The following AMHR2 variants were observed in gnomAD, a reference collection of about 807,000 sequenced individuals.
The protein encoded by AMHR2 is anti-Mullerian hormone receptor type 2.
In AMHR2, 36 loss-of-function variants were observed where a neutral mutation model predicts 61.4. That is an observed-to-expected ratio of 0.59 (90% CI 0.45 to 0.77). The LOEUF is 0.77. Among genes scored for constraint, AMHR2 ranks in the 30% least tolerant of loss-of-function variants. The pLI is 0.00. For synonymous variants in AMHR2, 258 were observed against 279.4 expected (o/e 0.92, Z 0.76); for missense variants, 638 against 714.6 (o/e 0.89, Z 1.22).
At position 53,426,810 on chromosome 12, in the gene AMHR2, G is replaced by C. The variant is rs1939637295; in HGVS notation, c.852+891G>C. Reference sequence around the variant, plus strand: ...CGATTCTCCTCCCTCAGCCTCCCCAGTAGCTGGGATTACAGGCGCTTGCCA... The same window carrying C: ...CGATTCTCCTCCCTCAGCCTCCCCACTAGCTGGGATTACAGGCGCTTGCCA... On this transcript the variant is annotated intron_variant, in intron 6 of 10. Coordinates refer to ENST00000257863, the MANE Select transcript of AMHR2 (RefSeq NM_020547.3). Among the ~76,000 whole-genome samples, 3 of 151,882 alleles carry C rather than the reference G, an allele frequency of 2.0e-5. No homozygotes were observed. In the South Asian group the frequency reaches 6.2e-4, roughly 32 times the overall value.
At chr12:53,430,322 G>T (rs772872635) in intron 10 of AMHR2, 40 bp downstream of exon 10, 3 of 1,614,018 alleles carry the variant, frequency 1.9e-6, no homozygotes, top group East Asian at 2.2e-5. Context: ...CCTGGAGAGT[G>T]GGGGCTGGGC....
chr12:53,430,877 A>C (rs1457790466), intron 10 of AMHR2: 3 of 489,038 alleles, frequency 6.1e-6, no homozygotes. Flanking sequence ...CATTACTTGC[A>C]GAAGACTCTG....
In AMHR2 at chr12:53,424,673, C is replaced by G. The variant is rs368832617; in HGVS notation, c.233-36C>G. On this transcript the variant is annotated intron_variant, in intron 2 of 10. Transcript: ENST00000257863. ...CCATTGTGCTTTCTTCCTTGCCCCC[C>G]CTTTCTCTCCTCTTCCCCTAATCCC... The G allele has an allele frequency of 1.8e-4, 296 of 1,602,114 alleles. 1 individual carries two copies. In the South Asian group the frequency reaches 2.6e-3, roughly 14 times the overall value.
chr12:53,425,840 T>C lies in AMHR2; in HGVS notation c.773T>C (p.Val258Ala). Residue 258 changes from valine (V) to alanine (A), a missense_variant, in exon 6 of 11, where the codon GTC (valine) becomes GCC (alanine). Coordinates refer to ENST00000257863, the MANE Select transcript of AMHR2 (RefSeq NM_020547.3). ...CCAGGCCTACAGCACGACCACATTG[T>C]CCGATTTATCACTGCCAGCCGGGGG... ...ELPGLQHDHI[V>A]RFITASRGGP... 1 of 1,614,050 alleles carries C rather than the reference T, an allele frequency of 6.2e-7. No individual in the cohort carries two copies. Among genetic ancestry groups the C allele is most frequent in the Non-Finnish European group, 8.5e-7 (1 of 1,180,006 alleles).
At chr12:53,427,606 T>C (rs1466444662) in intron 6 of AMHR2, among the ~76,000 whole-genome samples, 1 of 152,202 alleles carries the variant, frequency 6.6e-6, no homozygotes, top group Non-Finnish European at 1.5e-5. Context: ...TTTCACCCTG[T>C]TGGCCAGGCT....
intron 10 of AMHR2, chr12:53,430,830 C>A: frequency 2.4e-6 from 1 of 415,044 alleles, no homozygotes; most frequent in South Asian, 2.6e-5. Context: ...CTGAAATTTC[C>A]ACGGCACAAG....
chr12:53,428,905 T>G lies in AMHR2; in HGVS notation c.862T>G (p.Cys288Gly). The change falls in exon 7 of 11, where the codon TGC becomes GGC. Residue 288 changes from cysteine to glycine, a missense_variant. Transcript: ENST00000257863. Reference sequence around the variant, plus strand: ...CTCTGCGTTTCCCCAGGGCTCCCTGTGCCACTACTTGACCCAGTACACCAG... The same window carrying G: ...CTCTGCGTTTCCCCAGGGCTCCCTGGGCCACTACTTGACCCAGTACACCAG... ...VLELHPKGSL[C>G]HYLTQYTSDW... 1 of 1,551,490 alleles carries G rather than the reference T, an allele frequency of 6.4e-7. No homozygotes were observed. The highest frequency in any genetic ancestry group is 2.4e-5 in the East Asian group (1 of 40,906).
rs201646857 is a variant in AMHR2, at chr12:53,423,965, C to T, written c.31C>T (p.Leu11Phe). MLGSLGLWAL[L>F]PTAVEAPPNR... The stretch of plus-strand genomic sequence containing the variant: ...AGGGTCTTTGGGGCTTTGGGCATTA[C>T]TTCCCACAGCTGTGGAAGGTAAGTG... The change falls in exon 1 of 11, where the codon CTT (leucine) becomes TTT (phenylalanine). Residue 11 changes from leucine (L) to phenylalanine (F), a missense_variant. Coordinates refer to ENST00000257863, the MANE Select transcript of AMHR2 (RefSeq NM_020547.3). The T allele has an allele frequency of 5.6e-6, 9 of 1,614,190 alleles. No homozygotes were observed.
chr12:53,425,322 C>T, intron 4 of AMHR2, 80 bp downstream of exon 4: 2 of 1,607,794 alleles, frequency 1.2e-6, no homozygotes, highest in Admixed American at 1.7e-5. Context: ...GCACCCCTGA[C>T]CCCATGGTCT....
At chr12:53,429,733 A>G in intron 8 of AMHR2, 98 bp from the exon 9 acceptor site, 2 of 1,602,016 alleles carry the variant, frequency 1.2e-6, no homozygotes, top group Non-Finnish European at 1.7e-6. Context: ...CATTTGGGAC[A>G]TTGCTGAGTC....
chr12:53,429,407 G>T (rs1460002340), intron 7 of AMHR2, 46 bp from the exon 8 acceptor site: 1 of 1,567,412 alleles, frequency 6.4e-7, no homozygotes. Flanking sequence ...AAAAAAAAGA[G>T]GGAGGAAGAA....
In AMHR2 at chr12:53,423,958, G is replaced by A. The variant is rs1228623605; in HGVS notation, c.24G>A (p.Trp8Ter). The A allele has an allele frequency of 1.2e-6, 2 of 1,614,140 alleles. No homozygotes were observed. Among genetic ancestry groups the A allele is most frequent in the Non-Finnish European group, 1.7e-6 (2 of 1,180,026 alleles). ...AGATGCTAGGGTCTTTGGGGCTTTG[G>A]GCATTACTTCCCACAGCTGTGGAAG... MLGSLGL[W>*]ALLPTAVEAP... The change falls in exon 1 of 11, where the codon TGG becomes TGA. Residue 8 changes from tryptophan (W) to a stop codon, truncating the protein, a stop_gained. Transcript: ENST00000257863. LOFTEE classifies it high-confidence loss of function.
At chr12:53,424,930 G>A (rs1398137290) in intron 3 of AMHR2, 30 bp downstream of exon 3, 1 of 1,600,980 alleles carries the variant, frequency 6.2e-7, no homozygotes, top group Non-Finnish European at 8.5e-7. Flanking sequence ...GAAGCCTGAT[G>A]GGGGCTGGGG....
Position 53,425,825 on chromosome 12 carries a change from A to G in AMHR2, c.758A>G (p.Gln253Arg). 6.2e-7 allele frequency: 1 copy of G among 1,614,154 alleles called. No individual in the cohort carries two copies. The highest frequency in any genetic ancestry group is 8.5e-7 in the Non-Finnish European group (1 of 1,180,020). ...ERALYELPGL[Q>R]HDHIVRFITA... ...GCATTGTACGAACTTCCAGGCCTAC[A>G]GCACGACCACATTGTCCGATTTATC... Residue 253 changes from glutamine (Q) to arginine (R), a missense_variant, in exon 6 of 11, where the codon CAG becomes CGG. By Grantham distance (43) the Gln-to-Arg change is conservative. Transcript: ENST00000257863.
In AMHR2 at chr12:53,429,622, G is replaced by C; in HGVS notation, c.1137G>C (p.Met379Ile). Reference protein sequence around the residue: ...PTQPQGPAAIMEAGTQRYMAP... With the variant: ...PTQPQGPAAIIEAGTQRYMAP... ...AACCACAAGGCCCAGCTGCCATCAT[G>C]GAAGTGAGTTCTCTGGATAACTGGT... The change falls in exon 8 of 11, where the codon ATG becomes ATC. Residue 379 changes from methionine to isoleucine, a missense_variant. By Grantham distance (10) the Met-to-Ile change is conservative. Coordinates refer to ENST00000257863, the MANE Select transcript of AMHR2 (RefSeq NM_020547.3). 1 of 1,613,988 alleles carries C rather than the reference G, an allele frequency of 6.2e-7. No individual in the cohort carries two copies. The highest frequency in any genetic ancestry group is 8.5e-7 in the Non-Finnish European group (1 of 1,179,970).
In AMHR2 at chr12:53,431,559, C is replaced by T; in HGVS notation, c.*86C>T. On this transcript the variant is annotated 3_prime_UTR_variant, in exon 11 of 11. Coordinates refer to ENST00000257863, the MANE Select transcript of AMHR2 (RefSeq NM_020547.3). ...TCTTGTCTGCCTCATCACTGCATTT[C>T]CCACCTGCCGAATCCTTGGATTCTT... 1 of 1,546,708 alleles carries T rather than the reference C, an allele frequency of 6.5e-7. No individual in the cohort carries two copies. Among genetic ancestry groups the T allele is most frequent in the East Asian group, 2.2e-5 (1 of 44,530 alleles).
intron 10 of AMHR2, 65 bp from the exon 11 acceptor site, chr12:53,431,112 G>T (rs1056824599): frequency 2.5e-6 from 4 of 1,582,080 alleles, no homozygotes; most frequent in Non-Finnish European, 3.5e-6. Context: ...ACTGAAGATG[G>T]CTTTTAACCC....
At position 53,425,560 on chromosome 12, in the gene AMHR2, T is replaced by C; in HGVS notation, c.608T>C (p.Leu203Pro). The C allele has an allele frequency of 6.2e-7, 1 of 1,613,942 alleles. No individual in the cohort carries two copies. Among genetic ancestry groups the C allele is most frequent in the Non-Finnish European group, 8.5e-7 (1 of 1,180,006 alleles). Residue 203 changes from leucine to proline, a missense_variant, in exon 5 of 11, where the codon CTG becomes CCG. Coordinates refer to ENST00000257863, the MANE Select transcript of AMHR2 (RefSeq NM_020547.3). ...GTGGAGCTGCAGGAGCTGCCTGAGC[T>C]GTGTTTCTCCCAGGTGCCCCAGGGA... ...WSVELQELPELCFSQVIREGG... is the reference protein window; with the variant it reads ...WSVELQELPEPCFSQVIREGG...
rs972805433 is a variant in AMHR2, at chr12:53,424,137, T to C, written c.50-151T>C. ...ATGTGTCCCCATGGCAGGGCTCAGG[T>C]TCCAGGCCTCTGCTGACCCTGCTTC... On this transcript the variant is annotated intron_variant, in intron 1 of 10. Transcript: ENST00000257863. 3 of 1,316,672 alleles carry C rather than the reference T, an allele frequency of 2.3e-6. No individual in the cohort carries two copies. In the African/African-American group the frequency reaches 4.4e-5, roughly 19 times the overall value. 81.6% of individuals were successfully genotyped at this position (1,316,672 alleles called of 1,614,324 possible). A position where few individuals can be genotyped will look rare whatever the true frequency, so the allele number is the denominator to read the frequency against.
Sources: gnomAD v4.1 joint callset for allele counts (sites outside exome capture counted in the v4.1 genomes callset) on GRCh38, gnomAD v4.1.1 for gene constraint, MANE v1.5 for transcripts, NCBI Gene and HGNC (gene_info 2026-07-23, HGNC 2026-07-21) for gene names.